GRM7: variants seen among roughly 807,000 people sequenced by gnomAD.
GRM7 encodes the protein glutamate metabotropic receptor 7.
A neutral mutation model predicts 84.5 loss-of-function variants in GRM7; 35 were observed. That is an observed-to-expected ratio of 0.41 (90% CI 0.32 to 0.55). The LOEUF (loss-of-function observed/expected upper bound fraction) is 0.55. Among genes scored for constraint, GRM7 ranks in the 20% least tolerant of loss-of-function variants. The pLI, the probability that GRM7 is intolerant of heterozygous loss-of-function variation, is 0.19. For synonymous variants in GRM7, 487 were observed against 455.1 expected (o/e 1.07, Z -0.89); for missense variants, 1,003 against 1,194.6 (o/e 0.84, Z 2.36).
intron 9 of GRM7, chr3:7,693,656 C>T: frequency 6.5e-7 from 1 of 1,530,248 alleles, no homozygotes; most frequent in Non-Finnish European, 8.8e-7. Context: ...CTGCTACTGA[C>T]CATCTGCACT....
At chr3:7,548,739 A>T (rs146331362) in intron 7 of GRM7, among the ~76,000 whole-genome samples, 1 of 152,158 alleles carries the variant, frequency 6.6e-6, no homozygotes, top group Non-Finnish European at 1.5e-5. Context: ...ATTTTGAAGC[A>T]CTAGTGTGTG....
chr3:7,342,280 C>G (rs1031754995), intron 4 of GRM7, among the ~76,000 whole-genome samples: 1 of 152,056 alleles, frequency 6.6e-6, no homozygotes, highest in African/African-American at 2.4e-5. Context: ...TTAGCTGTAC[C>G]CTCATCTCAA....
chr3:7,368,260 T>G (rs1293667528), intron 4 of GRM7, among the ~76,000 whole-genome samples: 1 of 152,060 alleles, frequency 6.6e-6, no homozygotes, highest in Non-Finnish European at 1.5e-5. Flanking sequence ...ATTGTGCCAC[T>G]AATTAAAAAA....
intron 1 of GRM7, among the ~76,000 whole-genome samples, chr3:7,145,272 T>C (rs894431287): frequency 1.3e-5 from 2 of 152,132 alleles, no homozygotes; most frequent in Non-Finnish European, 2.9e-5. Context: ...TGGGAGAGTT[T>C]GTAAGCAGAA....
At chr3:7,082,851 A>G (rs949138440) in intron 1 of GRM7, among the ~76,000 whole-genome samples, 68 of 152,136 alleles carry the variant, frequency 4.5e-4, no homozygotes, top group African/African-American at 1.6e-3. Flanking sequence ...AGAGAACTAG[A>G]ATTAAAAGTG....
chr3:7,452,978 G>A (rs1467164036), intron 6 of GRM7, among the ~76,000 whole-genome samples, 171 bp downstream of exon 6: 2 of 151,318 alleles, frequency 1.3e-5, no homozygotes, highest in Admixed American at 6.6e-5. Flanking sequence ...GTAAGAATGA[G>A]TTAAGATATA....
rs1263451991 is a variant in GRM7, at chr3:7,103,749, C to CCTTTCTTTCTTTCTTTCT, written c.520-42702_520-42685dup. ...CTCTCTTTTTCTCTTTCTCTCTCTC[C>CCTTTCTTTCTTTCTTTCT]CTTTCTTTCTTTCTTTCTTTCTTTC... On this transcript the variant is annotated intron_variant, in intron 1 of 9. Coordinates refer to ENST00000357716, the MANE Select transcript of GRM7 (RefSeq NM_000844.4). Among the ~76,000 whole-genome samples the CCTTTCTTTCTTTCTTTCT allele has an allele frequency of 5.5e-3, 528 of 96,726 alleles. 39 individuals carry two copies. Among genetic ancestry groups the CCTTTCTTTCTTTCTTTCT allele is most frequent in the African/African-American group, 0.01 (194 of 19,076 alleles). The allele number at this position is 96,726 out of a possible 152,430, so 63.5% of individuals were successfully genotyped here.
intron 4 of GRM7, among the ~76,000 whole-genome samples, chr3:7,328,956 C>T (rs545172456): frequency 2.6e-5 from 4 of 152,164 alleles, no homozygotes; most frequent in Admixed American, 2.0e-4. Context: ...TTTGCAGGTG[C>T]TCTTCCTTTT....
chr3:7,421,299 T>G (rs1696383177), intron 5 of GRM7, among the ~76,000 whole-genome samples: 1 of 152,202 alleles, frequency 6.6e-6, no homozygotes. Flanking sequence ...GCAAGATGAT[T>G]AGGCAATGCT....
chr3:7,351,339 GAAAAAAAAA>G (rs768248079), intron 4 of GRM7, among the ~76,000 whole-genome samples: 2 of 45,904 alleles, frequency 4.4e-5, no homozygotes, highest in East Asian at 9.0e-4. Flanking sequence ...TCCCACAGGC[GAAAAAAAAA>G]AAAAAAAAAA....
chr3:7,655,906 A>T (rs1257976376), intron 8 of GRM7, among the ~76,000 whole-genome samples: 1 of 152,232 alleles, frequency 6.6e-6, no homozygotes, highest in Non-Finnish European at 1.5e-5. Context: ...TGAAGGAACC[A>T]TGTGTAAGAA....
At chr3:7,737,540 T>C (rs1702546356) in intron 9 of GRM7, among the ~76,000 whole-genome samples, 1 of 152,218 alleles carries the variant, frequency 6.6e-6, no homozygotes, top group Non-Finnish European at 1.5e-5. Context: ...AATGGAATTA[T>C]CAGACACCAC....
At chr3:7,423,915 C>G (rs957254699) in intron 5 of GRM7, among the ~76,000 whole-genome samples, 1 of 152,058 alleles carries the variant, frequency 6.6e-6, no homozygotes, top group Non-Finnish European at 1.5e-5. Context: ...GTTTACCATC[C>G]TGGGCACTGA....
chr3:7,020,113 C>G lies in GRM7; in HGVS notation c.520-126339C>G, dbSNP rs1695723369. On this transcript the variant is annotated intron_variant, in intron 1 of 9. Transcript: ENST00000357716. Reference sequence around the variant, plus strand: ...TTGCCCGCCTCAGCATCCCAAAGTGCTGGGATTACAGGCATGAGCCACTGC... The same window carrying G: ...TTGCCCGCCTCAGCATCCCAAAGTGGTGGGATTACAGGCATGAGCCACTGC... Among the ~76,000 whole-genome samples, 4 of 152,152 alleles carry G rather than the reference C, an allele frequency of 2.6e-5. 1 individual carries two copies. The South Asian group carries it at 8.3e-4, about 32-fold the overall frequency.
At chr3:7,435,836 C>T (rs987260644) in intron 5 of GRM7, among the ~76,000 whole-genome samples, 24 of 150,356 alleles carry the variant, frequency 1.6e-4, no homozygotes, top group African/African-American at 2.7e-4. Context: ...TACAGGCGCC[C>T]GCCACCACAC....
At chr3:7,438,628 G>C (rs916619706) in intron 5 of GRM7, among the ~76,000 whole-genome samples, 2 of 152,000 alleles carry the variant, frequency 1.3e-5, no homozygotes, top group African/African-American at 4.8e-5. Flanking sequence ...GAGAACAAAT[G>C]TAAGGAGAGG....
At chr3:7,549,297 A>G (rs1693326186) in intron 7 of GRM7, among the ~76,000 whole-genome samples, 1 of 152,182 alleles carries the variant, frequency 6.6e-6, no homozygotes, top group Non-Finnish European at 1.5e-5. Context: ...GTTTATTTGT[A>G]TCTGTTGGGT....
chr3:7,572,170 C>T (rs1559411186), intron 7 of GRM7, among the ~76,000 whole-genome samples: 2 of 152,150 alleles, frequency 1.3e-5, no homozygotes, highest in African/African-American at 4.8e-5. Context: ...TTTCACTTAA[C>T]AGCACAAAGA....
intron 1 of GRM7, among the ~76,000 whole-genome samples, chr3:6,878,032 A>G (rs1363495991): frequency 6.6e-6 from 1 of 152,042 alleles, no homozygotes; most frequent in African/African-American, 2.4e-5. Context: ...CACCTTCCAC[A>G]GCAAAATTCC....
Sources: gnomAD v4.1 joint callset for allele counts (sites outside exome capture counted in the v4.1 genomes callset) on GRCh38, gnomAD v4.1.1 for gene constraint, MANE v1.5 for transcripts, NCBI Gene and HGNC (gene_info 2026-07-23, HGNC 2026-07-21) for gene names.